ZNF45: variants seen among roughly 807,000 people sequenced by gnomAD.
ZNF45 encodes the protein zinc finger protein 45, also known as BRC1744.
In ZNF45, 4 loss-of-function variants were observed where a neutral mutation model predicts 12.0. The observed-to-expected ratio is 0.33, with a 90% CI of 0.16 to 0.76. The LOEUF (loss-of-function observed/expected upper bound fraction) is 0.76, where lower values mean the gene tolerates loss of function less well. Among genes scored for constraint, ZNF45 ranks in the 30% least tolerant of loss-of-function variants. ZNF45 has a pLI of 0.60. For synonymous variants in ZNF45, 272 were observed against 279.6 expected (o/e 0.97, Z 0.27); for missense variants, 700 against 813.0 (o/e 0.86, Z 1.69).
At position 43,913,733 on chromosome 19, in the gene ZNF45, G is replaced by A; in HGVS notation, c.1703C>T (p.Ala568Val). Residue 568 changes from alanine to valine, a missense_variant, in exon 10 of 10, where the codon GCC becomes GTC. Physicochemically the swap from Ala to Val is moderately conservative, Grantham distance 64. Coordinates refer to ENST00000269973, the MANE Select transcript of ZNF45 (RefSeq NM_003425.4). The stretch of plus-strand genomic sequence containing the variant: ...TCCACGATGTGCCAGAAAATTGGAG[G>A]CCCGACAGAAGCCCTTCCCACACTC... Reference protein sequence around the residue: ...CEECGKGFCRASNFLAHRGVH... With the variant: ...CEECGKGFCRVSNFLAHRGVH... 6 of 1,607,536 alleles carry A rather than the reference G, an allele frequency of 3.7e-6. No individual in the cohort carries two copies. The highest frequency in any genetic ancestry group is 4.2e-6 in the Non-Finnish European group (5 of 1,178,138).
At chr19:43,917,517 C>G (rs374652) in intron 9 of ZNF45, among the ~76,000 whole-genome samples, 4,590 of 152,122 alleles carry the variant, frequency 0.03, 136 homozygotes, top group Admixed American at 0.096. Flanking sequence ...TGGAGTTTCA[C>G]TCTTGTTGCC....
At chr19:43,934,035 CTATTT>C (rs2147273471) in intron 2 of ZNF45, among the ~76,000 whole-genome samples, 1 of 152,312 alleles carries the variant, frequency 6.6e-6, no homozygotes, top group South Asian at 2.1e-4. Context: ...GATCATTTAT[CTATTT>C]TATTTCCTAA....
chr19:43,922,157 G>A lies in ZNF45; in HGVS notation c.15+14C>T, dbSNP rs751571025. On this transcript the variant is annotated intron_variant, in intron 7 of 9. Transcript: ENST00000269973. ...AGATGACAATTATTACGGAGAAAGG[G>A]AGGTCCAACTCACCTTAGACTTCGT... 4.3e-6 allele frequency: 7 copies of A among 1,609,318 alleles called. No individual in the cohort carries two copies. The South Asian group carries it at 5.5e-5, about 13-fold the overall frequency.
chr19:43,913,598 T>C lies in ZNF45; in HGVS notation c.1838A>G (p.Lys613Arg). 1 of 1,614,046 alleles carries C rather than the reference T, an allele frequency of 6.2e-7. No homozygotes were observed. The highest frequency in any genetic ancestry group is 1.1e-5 in the South Asian group (1 of 91,082). ...QRVHTGERPY[K>R]CEECGKVFSW... ...GAAGACTTTCCCACATTCCTCACAT[T>C]TGTATGGTCTCTCTCCTGTGTGGAC... Residue 613 changes from lysine to arginine, a missense_variant, in exon 10 of 10, where the codon AAA becomes AGA. Physicochemically the swap from Lys to Arg is conservative, Grantham distance 26. Transcript: ENST00000269973.
rs748448756 is a variant in ZNF45, at chr19:43,913,946, T to C, written c.1490A>G (p.Glu497Gly). ...LNVHCRIHTG[E>G]KPYKCERCGK... is the part of the protein sequence containing the mutation. ...ACACCTCTCGCATTTATAGGGTTTC[T>C]CTCCTGTGTGGATTCTACAGTGTAC... The change falls in exon 10 of 10, where the codon GAG becomes GGG. Residue 497 changes from glutamate to glycine, a missense_variant. Transcript: ENST00000269973. 3.7e-6 allele frequency: 6 copies of C among 1,602,908 alleles called. No individual in the cohort carries two copies. In the South Asian group the frequency reaches 6.6e-5, roughly 18 times the overall value.
rs780130918 is a variant in ZNF45 at position 43,914,238 on chromosome 19, C to A, written c.1198G>T (p.Ala400Ser). ...CTTTGATGGTCCAGCAGATTTGAGG[C>A]CCGGCAGAAGCCTTTCCCACACTCC... ...CEECGKGFCR[A>S]SNLLDHQRGH... The change falls in exon 10 of 10, where the codon GCC (alanine) becomes TCC (serine). Residue 400 changes from alanine (A) to serine (S), a missense_variant. Ala to Ser is a moderately conservative substitution (Grantham distance 99, BLOSUM62 1). Coordinates refer to ENST00000269973, the MANE Select transcript of ZNF45 (RefSeq NM_003425.4). 1.2e-6 allele frequency: 2 copies of A among 1,612,826 alleles called. No homozygotes were observed. The highest frequency in any genetic ancestry group is 2.7e-5 in the African/African-American group (2 of 74,746).
intron 7 of ZNF45, among the ~76,000 whole-genome samples, chr19:43,920,117 A>G (rs192448461): frequency 2.0e-4 from 31 of 152,284 alleles, no homozygotes; most frequent in African/African-American, 6.7e-4. Context: ...ATCCTAGGCA[A>G]TCTGTTCATT....
chr19:43,914,239 C>T lies in ZNF45; in HGVS notation c.1197G>A (p.Arg399=), dbSNP rs2146705128. 1 of 1,613,360 alleles carries T rather than the reference C, an allele frequency of 6.2e-7. No homozygotes were observed. Among genetic ancestry groups the T allele is most frequent in the Non-Finnish European group, 8.5e-7 (1 of 1,179,552 alleles). ...KCEECGKGFC[R]ASNLLDHQRG... ...TTTGATGGTCCAGCAGATTTGAGGCCCGGCAGAAGCCTTTCCCACACTCCT... is the reference window on the plus strand; with the variant it reads ...TTTGATGGTCCAGCAGATTTGAGGCTCGGCAGAAGCCTTTCCCACACTCCT... The change falls in exon 10 of 10, where the codon CGG becomes CGA. Residue 399 remains arginine (R), a synonymous_variant. Coordinates refer to ENST00000269973, the MANE Select transcript of ZNF45 (RefSeq NM_003425.4).
At chr19:43,927,360 T>A (rs369800906) in intron 3 of ZNF45, among the ~76,000 whole-genome samples, 1 of 152,218 alleles carries the variant, frequency 6.6e-6, no homozygotes, top group African/African-American at 2.4e-5. Flanking sequence ...CAGTGAATAG[T>A]TGATAGATAC....
chr19:43,920,271 C>T (rs920905794), intron 7 of ZNF45, among the ~76,000 whole-genome samples: 1 of 151,962 alleles, frequency 6.6e-6, no homozygotes, highest in Non-Finnish European at 1.5e-5. Flanking sequence ...TCTTATAACT[C>T]TGTAAAATTT....
rs1209045702 is a variant in ZNF45 at position 43,935,161 on chromosome 19, G to A, written c.-993C>T. 6.6e-6 allele frequency: 1 copy of A among 152,370 alleles called. No homozygotes were observed. The highest frequency in any genetic ancestry group is 2.4e-5 in the African/African-American group (1 of 41,478). 9.4% of individuals were successfully genotyped at this position (152,370 alleles called of 1,614,324 possible). A position where few individuals can be genotyped will look rare whatever the true frequency, so the allele number is the denominator to read the frequency against. ...CGTCTTTTCCTGCTGACCGAAGTGCGAGCCCTGCTGATCCTACGACCAAAC... is the reference window on the plus strand; with the variant it reads ...CGTCTTTTCCTGCTGACCGAAGTGCAAGCCCTGCTGATCCTACGACCAAAC... On this transcript the variant is annotated 5_prime_UTR_variant, in exon 1 of 10. Coordinates refer to ENST00000269973, the MANE Select transcript of ZNF45 (RefSeq NM_003425.4).
chr19:43,913,263 T>C lies in ZNF45; in HGVS notation c.*124A>G. 2.6e-6 allele frequency: 3 copies of C among 1,140,706 alleles called. No homozygotes were observed. The highest frequency in any genetic ancestry group is 3.7e-6 in the Non-Finnish European group (3 of 815,810). The allele number at this position is 1,140,706 out of a possible 1,614,324, so 70.7% of individuals were successfully genotyped here. The stretch of plus-strand genomic sequence containing the variant: ...CCATATGTCTCCACTCTTGTGAGGC[T>C]TCTCTGCTGTGTGGTCTCCCAATCA... On this transcript the variant is annotated 3_prime_UTR_variant, in exon 10 of 10. Transcript: ENST00000269973.
intron 9 of ZNF45, 48 bp downstream of exon 9, chr19:43,918,822 T>A: frequency 6.5e-7 from 1 of 1,540,944 alleles, no homozygotes; most frequent in East Asian, 2.2e-5. Flanking sequence ...CCTTGGAATA[T>A]CTCCAAGGCT....
intron 9 of ZNF45, among the ~76,000 whole-genome samples, chr19:43,918,481 A>T (rs533638916): frequency 6.6e-6 from 1 of 152,292 alleles, no homozygotes; most frequent in East Asian, 1.9e-4. Flanking sequence ...AAGAGGCCTG[A>T]GAGAGATTTC....
intron 3 of ZNF45, among the ~76,000 whole-genome samples, chr19:43,928,048 G>A (rs1264927374): frequency 1.3e-5 from 2 of 151,984 alleles, no homozygotes; most frequent in African/African-American, 4.8e-5. Context: ...AGGCATGATG[G>A]CGAATGCCTG....
chr19:43,918,711 A>T (rs1241895848), intron 9 of ZNF45, among the ~76,000 whole-genome samples, 159 bp downstream of exon 9: 1 of 152,222 alleles, frequency 6.6e-6, no homozygotes, highest in Non-Finnish European at 1.5e-5. Context: ...AGATCTTCAT[A>T]TATCCAAAAG....
At chr19:43,919,387 A>C (rs75618644) in intron 8 of ZNF45, among the ~76,000 whole-genome samples, 186 bp downstream of exon 8, 3 of 152,236 alleles carry the variant, frequency 2.0e-5, no homozygotes, top group Admixed American at 2.0e-4. Flanking sequence ...CATGCTGTCA[A>C]TTTATGGTTC....
chr19:43,931,939 T>C (rs1460986968), intron 3 of ZNF45, among the ~76,000 whole-genome samples: 1 of 152,146 alleles, frequency 6.6e-6, no homozygotes, highest in Non-Finnish European at 1.5e-5. Flanking sequence ...AGAACTGTCA[T>C]AAAGAACAAA....
At chr19:43,916,063 T>C (rs988505397) in intron 9 of ZNF45, among the ~76,000 whole-genome samples, 1 of 152,064 alleles carries the variant, frequency 6.6e-6, no homozygotes, top group Admixed American at 6.5e-5. Flanking sequence ...GTGATCCACC[T>C]GCCTCGGCCT....
Sources: gnomAD v4.1 joint callset for allele counts (sites outside exome capture counted in the v4.1 genomes callset) on GRCh38, gnomAD v4.1.1 for gene constraint, MANE v1.5 for transcripts, NCBI Gene and HGNC (gene_info 2026-07-23, HGNC 2026-07-21) for gene names.